Variants in CNTN5 observed in about 807,000 individuals in gnomAD.
CNTN5 encodes contactin-5.
Under a neutral mutation model 129.1 loss-of-function variants are expected in CNTN5, and 77 were observed. The observed-to-expected ratio is 0.60, with a 90% CI of 0.50 to 0.72. The LOEUF (loss-of-function observed/expected upper bound fraction) is 0.72, where lower values mean the gene tolerates loss of function less well. CNTN5 is among the 30% of genes least tolerant of loss of function. CNTN5 has a pLI of 0.00. For synonymous variants in CNTN5, 509 were observed against 465.6 expected (o/e 1.09, Z -1.20); for missense variants, 1,478 against 1,328.8 (o/e 1.11, Z -1.75).
chr11:99,220,442 A>T (rs1456770680), intron 1 of CNTN5, among the ~76,000 whole-genome samples: 2 of 151,938 alleles, frequency 1.3e-5, no homozygotes, highest in African/African-American at 4.8e-5. Context: ...ATGTAGGAAA[A>T]CAATTTTATA....
At chr11:99,866,263 C>T (rs1480702336) in intron 6 of CNTN5, among the ~76,000 whole-genome samples, 1 of 152,166 alleles carries the variant, frequency 6.6e-6, no homozygotes, top group Non-Finnish European at 1.5e-5. Flanking sequence ...TGGGGAATGA[C>T]ACAACTCAGT....
chr11:99,456,901 A>G (rs1263649221), intron 2 of CNTN5, among the ~76,000 whole-genome samples: 1 of 152,078 alleles, frequency 6.6e-6, no homozygotes, highest in Non-Finnish European at 1.5e-5. Context: ...TATTTTAATG[A>G]AAGTAGTACT....
At chr11:99,520,958 T>C (rs1947253865) in intron 2 of CNTN5, among the ~76,000 whole-genome samples, 1 of 152,124 alleles carries the variant, frequency 6.6e-6, no homozygotes, top group Admixed American at 6.6e-5. Context: ...ATAATAGCTT[T>C]CAATTGCATA....
Position 99,951,396 on chromosome 11 carries a change from A to G in CNTN5, c.674-5410A>G, listed in dbSNP as rs532946087. 2.0e-5 allele frequency among the ~76,000 whole-genome samples: 3 copies of G among 152,178 alleles called. No individual in the cohort carries two copies. The East Asian group carries it at 5.8e-4, about 30-fold the overall frequency. On this transcript the variant is annotated intron_variant, in intron 7 of 24. Transcript: ENST00000524871. ...GCATATTTCACTACTACTTGTTGAT[A>G]TCCCAGTTGCCTTGATCTCAGTTCC...
intron 2 of CNTN5, among the ~76,000 whole-genome samples, chr11:99,337,542 G>A (rs1367758813): frequency 6.6e-6 from 1 of 152,220 alleles, no homozygotes; most frequent in African/African-American, 2.4e-5. Context: ...TGCGGCTTAA[G>A]AATGACTTTA....
chr11:99,102,109 A>G (rs1195212715), intron 1 of CNTN5, among the ~76,000 whole-genome samples: 1 of 152,116 alleles, frequency 6.6e-6, no homozygotes, highest in Non-Finnish European at 1.5e-5. Context: ...CCCTCTGAAG[A>G]CACAATCTGA....
At chr11:99,626,760 TAGAAG>T (rs1193043043) in intron 3 of CNTN5, among the ~76,000 whole-genome samples, 1 of 152,106 alleles carries the variant, frequency 6.6e-6, no homozygotes, top group African/African-American at 2.4e-5. Flanking sequence ...TCAAAGTAGT[TAGAAG>T]AGAAAACTTG....
At chr11:99,527,861 A>G (rs112896934) in intron 2 of CNTN5, among the ~76,000 whole-genome samples, 1 of 152,188 alleles carries the variant, frequency 6.6e-6, no homozygotes, top group East Asian at 1.9e-4. Context: ...GACAGAGTAG[A>G]CAGAGATCAA....
chr11:99,415,329 GT>G (rs1164118810), intron 2 of CNTN5, among the ~76,000 whole-genome samples: 1 of 151,990 alleles, frequency 6.6e-6, no homozygotes, highest in African/African-American at 2.4e-5. Flanking sequence ...AAAAAAATGT[GT>G]GATCTAATAG....
intron 13 of CNTN5, among the ~76,000 whole-genome samples, chr11:100,110,153 C>T (rs994068812): frequency 6.7e-6 from 1 of 148,996 alleles, no homozygotes; most frequent in African/African-American, 2.5e-5. Flanking sequence ...CGCCACTGTA[C>T]TCCATCCTGG....
At chr11:100,323,938 T>C (rs1951743832) in intron 21 of CNTN5, among the ~76,000 whole-genome samples, 1 of 152,178 alleles carries the variant, frequency 6.6e-6, no homozygotes, top group South Asian at 2.1e-4. Context: ...GACTATGTCA[T>C]ATAATATCAT....
intron 1 of CNTN5, among the ~76,000 whole-genome samples, chr11:99,307,422 G>A (rs551703193): frequency 4.3e-4 from 65 of 152,122 alleles, no homozygotes; most frequent in African/African-American, 1.5e-3. Context: ...TAGTTCACCT[G>A]GTGAACAGTC....
intron 4 of CNTN5, among the ~76,000 whole-genome samples, chr11:99,825,870 A>T (rs1946938269): frequency 6.6e-6 from 1 of 152,092 alleles, no homozygotes; most frequent in Non-Finnish European, 1.5e-5. Context: ...TTATTCACCC[A>T]GCACTTAAGA....
intron 1 of CNTN5, among the ~76,000 whole-genome samples, chr11:99,294,269 C>T (rs1407360364): frequency 6.6e-6 from 1 of 152,054 alleles, no homozygotes; most frequent in African/African-American, 2.4e-5. Flanking sequence ...CTTACAAAAT[C>T]TAAAGACACC....
At chr11:100,078,035 T>C (rs1944211099) in intron 13 of CNTN5, among the ~76,000 whole-genome samples, 1 of 152,112 alleles carries the variant, frequency 6.6e-6, no homozygotes, top group Non-Finnish European at 1.5e-5. Context: ...TTACTTAAAT[T>C]TAACTCTAAA....
intron 1 of CNTN5, among the ~76,000 whole-genome samples, chr11:99,243,581 A>G (rs564254481): frequency 6.6e-6 from 1 of 152,040 alleles, no homozygotes; most frequent in Admixed American, 6.6e-5. Flanking sequence ...CTTCTAGGAT[A>G]TGTATAGTTT....
chr11:100,164,871 G>C (rs1299716258), intron 13 of CNTN5, among the ~76,000 whole-genome samples: 1 of 151,788 alleles, frequency 6.6e-6, no homozygotes, highest in East Asian at 1.9e-4. Flanking sequence ...ATTTGTAAAA[G>C]AGATTGATAA....
chr11:99,347,119 G>T (rs1937946597), intron 2 of CNTN5, among the ~76,000 whole-genome samples: 2 of 152,214 alleles, frequency 1.3e-5, no homozygotes, highest in South Asian at 4.2e-4. Context: ...TTACATCTTT[G>T]GCTTAATATC....
chr11:99,529,444 A>C (rs1043882393), intron 2 of CNTN5, among the ~76,000 whole-genome samples: 4 of 152,232 alleles, frequency 2.6e-5, no homozygotes, highest in Non-Finnish European at 5.9e-5. Context: ...GTTACACTTA[A>C]CATGAAACAA....
Sources: gnomAD v4.1 joint callset for allele counts (sites outside exome capture counted in the v4.1 genomes callset) on GRCh38, gnomAD v4.1.1 for gene constraint, MANE v1.5 for transcripts, NCBI Gene and HGNC (gene_info 2026-07-23, HGNC 2026-07-21) for gene names.